Variants in EBF3 observed in about 807,000 individuals in gnomAD.
EBF3 encodes the protein transcription factor COE3.
In EBF3, 18 loss-of-function variants were observed where a neutral mutation model predicts 77.1. That is an observed-to-expected ratio of 0.23 (90% CI 0.16 to 0.35). The LOEUF (loss-of-function observed/expected upper bound fraction) is 0.35, where lower values mean the gene tolerates loss of function less well. Among genes scored for constraint, EBF3 ranks in the 10% least tolerant of loss-of-function variants. The pLI is 1.00. For missense variants in EBF3, 558 were observed against 860.0 expected (o/e 0.65, Z 4.39); for synonymous variants, 350 against 343.5 (o/e 1.02, Z -0.21).
At chr10:129,893,617 T>C (rs1410229452) in intron 6 of EBF3, among the ~76,000 whole-genome samples, 4 of 152,314 alleles carry the variant, frequency 2.6e-5, no homozygotes, top group African/African-American at 9.6e-5. Flanking sequence ...CTCTGACAAT[T>C]TCCCCTGGCA....
chr10:129,914,279 A>G (rs1855721653), intron 6 of EBF3, among the ~76,000 whole-genome samples: 1 of 152,112 alleles, frequency 6.6e-6, no homozygotes, highest in Non-Finnish European at 1.5e-5. Context: ...GACAAAGAGC[A>G]TCTGTGATTT....
intron 6 of EBF3, among the ~76,000 whole-genome samples, chr10:129,919,099 G>A (rs1404087381): frequency 6.6e-6 from 1 of 152,218 alleles, no homozygotes; most frequent in African/African-American, 2.4e-5. Context: ...GGGGACAGTG[G>A]GGAGGGCGAG....
Position 129,848,324 on chromosome 10 carries a change from C to T in EBF3, c.1128+68G>A. 1 of 1,493,650 alleles carries T rather than the reference C, an allele frequency of 6.7e-7. No homozygotes were observed. The highest frequency in any genetic ancestry group is 9.3e-7 in the Non-Finnish European group (1 of 1,070,796). The allele number at this position is 1,493,650 out of a possible 1,614,324, so 92.5% of individuals were successfully genotyped here. A position where few individuals can be genotyped will look rare whatever the true frequency, so the allele number is the denominator to read the frequency against. On this transcript the variant is annotated intron_variant, in intron 11 of 16. Transcript: ENST00000440978. This position sits in a 1 kb window ranked among gnomAD's most constrained non-coding sequence, Gnocchi z 4.4. ...TCCCCCCTTCCCAGAGCACCTGCTG[C>T]CCCCAAACCAGAACCAGCCCAGTGG... is the stretch of plus-strand genomic sequence containing the variant.
At chr10:129,958,773 G>C (rs149026219) in intron 5 of EBF3, among the ~76,000 whole-genome samples, 161 bp downstream of exon 5, 3,691 of 152,264 alleles carry the variant, frequency 0.024, 62 homozygotes, top group Non-Finnish European at 0.031. Flanking sequence ...AAGGAGCGCG[G>C]GCTCCTCCGC....
At chr10:129,912,276 C>T (rs1855578779) in intron 6 of EBF3, among the ~76,000 whole-genome samples, 1 of 152,192 alleles carries the variant, frequency 6.6e-6, no homozygotes, top group Admixed American at 6.5e-5. Flanking sequence ...CCACTATCAA[C>T]AGTGTGGAAT....
intron 8 of EBF3, 63 bp from the exon 9 acceptor site, chr10:129,867,975 T>TCGGCCACCGCGCGTCCCG (rs369454939): frequency 8.8e-6 from 14 of 1,586,202 alleles, no homozygotes; most frequent in African/African-American, 1.3e-5. Context: ...GCTGGGCCGC[T>TCGGCCACCGCGCGTCCCG]CGGCCACCGC....
chr10:129,906,387 T>C (rs1032290888), intron 6 of EBF3, among the ~76,000 whole-genome samples: 2 of 152,236 alleles, frequency 1.3e-5, no homozygotes, highest in African/African-American at 2.4e-5. Flanking sequence ...GTACTATGTA[T>C]AGATCCCATT....
chr10:129,902,574 C>T (rs1259866048), intron 6 of EBF3, among the ~76,000 whole-genome samples: 1 of 152,144 alleles, frequency 6.6e-6, no homozygotes, highest in Non-Finnish European at 1.5e-5. Flanking sequence ...AATGGGCAGG[C>T]CCAGTGTTTT....
intron 10 of EBF3, among the ~76,000 whole-genome samples, chr10:129,857,860 C>A (rs1038575443): frequency 6.6e-6 from 1 of 152,242 alleles, no homozygotes; most frequent in Admixed American, 6.5e-5. Context: ...TAGGAGAACA[C>A]TGGGAGCCAG....
chr10:129,862,571 C>T (rs1017795542), intron 10 of EBF3, among the ~76,000 whole-genome samples: 10 of 152,118 alleles, frequency 6.6e-5, no homozygotes, highest in Non-Finnish European at 1.5e-4. Flanking sequence ...CCCCAGGGTC[C>T]CATGAATGAT....
rs1034750392 is a variant in EBF3, at chr10:129,841,763, C to T, written c.1372+353G>A. On this transcript the variant is annotated intron_variant, in intron 13 of 16. Transcript: ENST00000440978. The surrounding 1 kb of genome is among the most constrained non-coding windows in gnomAD (Gnocchi z 4.6). ...CCGCCGTGCAGTGCGTCCAAGCAGG[C>T]TCCCCTCAGCTCCCTAGGCCATGGC... is the stretch of plus-strand genomic sequence containing the variant. Among the ~76,000 whole-genome samples, 3 of 152,146 alleles carry T rather than the reference C, an allele frequency of 2.0e-5. No homozygotes were observed. Among genetic ancestry groups the T allele is most frequent in the Non-Finnish European group, 4.4e-5 (3 of 68,022 alleles).
Position 129,947,425 on chromosome 10 carries a change from T to C in EBF3, c.554+9833A>G, listed in dbSNP as rs1411759656. ...GTTTGGCAATTAGGAAAATTTGTAC[T>C]TTAATTTATTAAACCAAAAAAGCCA... On this transcript the variant is annotated intron_variant, in intron 6 of 16. Coordinates refer to ENST00000440978, the MANE Select transcript of EBF3 (RefSeq NM_001375380.1). This position sits in a 1 kb window ranked among gnomAD's most constrained non-coding sequence, Gnocchi z 4.5. Among the ~76,000 whole-genome samples, 1 of 152,234 alleles carries C rather than the reference T, an allele frequency of 6.6e-6. No homozygotes were observed. Among genetic ancestry groups the C allele is most frequent in the South Asian group, 2.1e-4 (1 of 4,834 alleles).
chr10:129,876,987 A>C (rs563750874), intron 7 of EBF3, among the ~76,000 whole-genome samples: 1 of 148,086 alleles, frequency 6.8e-6, no homozygotes, highest in African/African-American at 2.5e-5. Flanking sequence ...TTAGGAACAG[A>C]TGCAACTAGC....
Position 129,858,425 on chromosome 10 carries a change from A to T in EBF3, c.1039+8716T>A, listed in dbSNP as rs368973064. Among the ~76,000 whole-genome samples, 8 of 152,278 alleles carry T rather than the reference A, an allele frequency of 5.3e-5. No homozygotes were observed. In the East Asian group the frequency reaches 1.2e-3, roughly 22 times the overall value. On this transcript the variant is annotated intron_variant, in intron 10 of 16. Coordinates refer to ENST00000440978, the MANE Select transcript of EBF3 (RefSeq NM_001375380.1). ...GAGCCCTGGAGGAGCCGCCACCCTC[A>T]GGTTGGTGCCTGTTTGGAAGCTCAG...
chr10:129,867,257 G>C lies in EBF3; in HGVS notation c.923C>G (p.Pro308Arg). The C allele has an allele frequency of 6.2e-7, 1 of 1,614,056 alleles. No individual in the cohort carries two copies. The highest frequency in any genetic ancestry group is 8.5e-7 in the Non-Finnish European group (1 of 1,180,008). Residue 308 changes from proline to arginine, a missense_variant, in exon 10 of 17, where the codon CCC (proline) becomes CGC (arginine). Pro to Arg is a moderately radical substitution (Grantham distance 103, BLOSUM62 -2). Transcript: ENST00000440978. The stretch of plus-strand genomic sequence containing the variant: ...CGGGGTCTGGACTCGGATGGCATGG[G>C]GAGTTATCAGCTACAAAAACCACAC... ...TMLVWSELITPHAIRVQTPPR... is the reference protein window; with the variant it reads ...TMLVWSELITRHAIRVQTPPR...
intron 6 of EBF3, among the ~76,000 whole-genome samples, chr10:129,920,537 G>A (rs939169775): frequency 2.0e-4 from 31 of 152,218 alleles, no homozygotes; most frequent in Non-Finnish European, 3.2e-4. Flanking sequence ...CAGCTGGGGC[G>A]CTAGCATGGA....
intron 11 of EBF3, among the ~76,000 whole-genome samples, chr10:129,846,108 T>TTGTGTGTGTGTGTGTGTGTGTGTGTG (rs10530522): frequency 7.2e-6 from 1 of 139,608 alleles, no homozygotes; most frequent in African/African-American, 2.6e-5. Context: ...ATTCTGGGCT[T>TTGTGTGTGTGTGTGTGTGTGTGTGTG]TGTGTGTGTG....
chr10:129,859,355 G>T (rs1851463070), intron 10 of EBF3, among the ~76,000 whole-genome samples: 1 of 152,098 alleles, frequency 6.6e-6, no homozygotes, highest in African/African-American at 2.4e-5. Flanking sequence ...CCATGTAGTT[G>T]GGACTACAGG....
intron 6 of EBF3, among the ~76,000 whole-genome samples, chr10:129,901,844 C>A (rs1320541268): frequency 6.6e-6 from 1 of 152,166 alleles, no homozygotes; most frequent in African/African-American, 2.4e-5. Flanking sequence ...CAGTTGGGGA[C>A]CCTTGACTGA....
Sources: gnomAD v4.1 joint callset for allele counts (sites outside exome capture counted in the v4.1 genomes callset) on GRCh38, gnomAD v4.1.1 for gene constraint, Gnocchi (gnomAD v3.1) non-coding constraint, MANE v1.5 for transcripts, NCBI Gene and HGNC (gene_info 2026-07-23, HGNC 2026-07-21) for gene names.